PDZD2: variants seen among roughly 807,000 people sequenced by gnomAD.
PDZD2 encodes the protein PDZ domain-containing protein 2.
Under a neutral mutation model 220.7 loss-of-function variants are expected in PDZD2, and 90 were observed. That is an observed-to-expected ratio of 0.41 (90% CI 0.34 to 0.49). The LOEUF is 0.49. Ranked by LOEUF, PDZD2 falls within the 20% of genes least tolerant of loss-of-function variation. The pLI is 0.28. For missense variants in PDZD2, 3,174 were observed against 3,608.5 expected (o/e 0.88, Z 3.08); for synonymous variants, 1,375 against 1,450.5 (o/e 0.95, Z 1.18).
Position 31,975,793 on chromosome 5 carries a change from C to CTTTTTTTTTTTTTTTTTTTTTT in PDZD2, c.477-7353_477-7352insTTTTTTTTTTTTTTTTTTTTTT, listed in dbSNP as rs879288343. Among the ~76,000 whole-genome samples the CTTTTTTTTTTTTTTTTTTTTTT allele has an allele frequency of 1.1e-4, 6 of 55,182 alleles. 3 individuals carry two copies. The highest frequency in any genetic ancestry group is 1.2e-4 in the Non-Finnish European group (4 of 32,318). The allele number at this position is 55,182 out of a possible 152,430, so 36.2% of individuals were successfully genotyped here. A position where few individuals can be genotyped will look rare whatever the true frequency, so the allele number is the denominator to read the frequency against. On this transcript the variant is annotated intron_variant, in intron 2 of 24. Transcript: ENST00000438447. ...ATGAGCACACTGAAGGTATCAGTCA[C>CTTTTTTTTTTTTTTTTTTTTTT]TTTTTTTTTATTTATTTTTTTTTTT... is the stretch of plus-strand genomic sequence containing the variant.
At chr5:32,011,325 CAAAAAATACAAAAAAAAA>C (rs1237311005) in intron 6 of PDZD2, among the ~76,000 whole-genome samples, 1 of 122,684 alleles carries the variant, frequency 8.2e-6, no homozygotes, top group Non-Finnish European at 1.6e-5. Flanking sequence ...CCCATCTTTA[CAAAAAATACAAAAAAAAA>C]AAAAAATTAG....
chr5:31,777,694 T>C (rs1266891787), intron 1 of PDZD2, among the ~76,000 whole-genome samples: 1 of 152,112 alleles, frequency 6.6e-6, no homozygotes, highest in Admixed American at 6.5e-5. Flanking sequence ...CGGCACTCTG[T>C]ATCTAGCTAA....
intron 6 of PDZD2, among the ~76,000 whole-genome samples, chr5:32,016,239 G>C (rs114498588): frequency 2.0e-5 from 3 of 152,146 alleles, no homozygotes; most frequent in African/African-American, 7.2e-5. Context: ...TGTTTTATTT[G>C]GACTGAATAA....
chr5:32,087,524 G>A lies in PDZD2; in HGVS notation c.4076G>A (p.Ser1359Asn). ...EQRQGAPGNHSKALEMTGIHA... is the reference protein window; with the variant it reads ...EQRQGAPGNHNKALEMTGIHA... ...AGACAGGGAGCTCCAGGTAACCACA[G>A]TAAGGCTCTGGAAATGACAGGAATC... The change falls in exon 20 of 25, where the codon AGT (serine) becomes AAT (asparagine). Residue 1359 changes from serine to asparagine, a missense_variant. Ser to Asn is a conservative substitution (Grantham distance 46, BLOSUM62 1). Transcript: ENST00000438447. The surrounding 1 kb of genome is among the most constrained non-coding windows in gnomAD (Gnocchi z 4.0). The A allele has an allele frequency of 1.2e-6, 2 of 1,613,526 alleles. No homozygotes were observed. Among genetic ancestry groups the A allele is most frequent in the Non-Finnish European group, 1.7e-6 (2 of 1,179,710 alleles).
intron 1 of PDZD2, among the ~76,000 whole-genome samples, chr5:31,659,423 G>A (rs148601169): frequency 6.6e-6 from 1 of 151,672 alleles, no homozygotes; most frequent in Non-Finnish European, 1.5e-5. Flanking sequence ...TCTCCATCTG[G>A]TTGACCCTCA....
chr5:32,069,695 CATT>C, intron 15 of PDZD2, 45 bp downstream of exon 15: 1 of 986,898 alleles, frequency 1.0e-6, no homozygotes, highest in Non-Finnish European at 1.6e-6. Flanking sequence ...AAGAGTTTCT[CATT>C]AAGTTCACCC....
At chr5:31,830,809 C>T (rs958572868) in intron 2 of PDZD2, among the ~76,000 whole-genome samples, 8 of 152,224 alleles carry the variant, frequency 5.3e-5, no homozygotes, top group African/African-American at 1.9e-4. Context: ...AGAAAGGACA[C>T]TTCTTGAGAG....
intron 2 of PDZD2, among the ~76,000 whole-genome samples, chr5:31,850,449 C>T (rs1213957257): frequency 1.3e-5 from 2 of 151,382 alleles, no homozygotes; most frequent in Non-Finnish European, 2.9e-5. Context: ...AACAGTGGAA[C>T]GCTATAGTTC....
chr5:31,966,459 C>A (rs781762593), intron 2 of PDZD2, among the ~76,000 whole-genome samples: 2 of 152,138 alleles, frequency 1.3e-5, no homozygotes, highest in Non-Finnish European at 2.9e-5. Flanking sequence ...TAAATTAAAT[C>A]CCAGTAGATA....
At chr5:31,818,057 C>A (rs1755585972) in intron 2 of PDZD2, among the ~76,000 whole-genome samples, 3 of 149,216 alleles carry the variant, frequency 2.0e-5, no homozygotes, top group Non-Finnish European at 4.4e-5. Context: ...GCAGCCTCAA[C>A]TTCCCGGACT....
At chr5:32,077,430 T>C (rs780188403) in intron 18 of PDZD2, 32 bp from the exon 19 acceptor site, 5 of 1,611,482 alleles carry the variant, frequency 3.1e-6, no homozygotes, top group South Asian at 1.1e-5. Flanking sequence ...CTGAAAGTTA[T>C]TTCAAGTGGC....
At chr5:31,714,369 CTTG>C (rs556004849) in intron 1 of PDZD2, among the ~76,000 whole-genome samples, 37 of 152,230 alleles carry the variant, frequency 2.4e-4, no homozygotes, top group African/African-American at 6.3e-4. Context: ...TTCCACAGTC[CTTG>C]TTGTTTGAAT....
chr5:31,811,694 A>C (rs1372587255), intron 2 of PDZD2, among the ~76,000 whole-genome samples: 2 of 152,074 alleles, frequency 1.3e-5, no homozygotes, highest in African/African-American at 4.8e-5. Flanking sequence ...GATAGCCTTA[A>C]ATTTTCAAGC....
intron 2 of PDZD2, among the ~76,000 whole-genome samples, chr5:31,850,697 C>T (rs923337060): frequency 1.4e-5 from 2 of 142,710 alleles, no homozygotes; most frequent in Non-Finnish European, 1.5e-5. Context: ...AGTACAGTGG[C>T]GCCATCTCGT....
chr5:31,770,172 A>G (rs150269808), intron 1 of PDZD2, among the ~76,000 whole-genome samples: 1 of 152,220 alleles, frequency 6.6e-6, no homozygotes, highest in Non-Finnish European at 1.5e-5. Context: ...ATAAAAGAGG[A>G]TGAAGAAGAA....
At chr5:31,983,751 C>T in intron 3 of PDZD2, 95 bp downstream of exon 3, 2 of 1,236,228 alleles carry the variant, frequency 1.6e-6, no homozygotes, top group South Asian at 2.9e-5. Flanking sequence ...ACAAGCTGGG[C>T]TCAGAACCAG....
In PDZD2 at chr5:32,069,877, C is replaced by T. The variant is rs1337550717; in HGVS notation, c.2533+227C>T. The stretch of plus-strand genomic sequence containing the variant: ...TCATGCATGCTTCTTATAGTACTTA[C>T]AAATAATTTGCAAAGGTAAGTTAGA... On this transcript the variant is annotated intron_variant, in intron 15 of 24. Coordinates refer to ENST00000438447, the MANE Select transcript of PDZD2 (RefSeq NM_178140.4). 2.0e-5 allele frequency among the ~76,000 whole-genome samples: 3 copies of T among 152,142 alleles called. No homozygotes were observed. The East Asian group carries it at 5.8e-4, about 29-fold the overall frequency.
chr5:31,783,234 C>A (rs1753157601), intron 1 of PDZD2, among the ~76,000 whole-genome samples: 1 of 152,074 alleles, frequency 6.6e-6, no homozygotes, highest in Non-Finnish European at 1.5e-5. Context: ...CTTGGGAACA[C>A]CAGAAGCATG....
chr5:32,020,919 T>A lies in PDZD2; in HGVS notation c.1407+10437T>A, dbSNP rs1011643424. On this transcript the variant is annotated intron_variant, in intron 6 of 24. Transcript: ENST00000438447. ...CCTCAGCCTCCCAAAGTGCTGGGAT[T>A]ACAGGAGTGAGCCACTGCACCTGGC... 1.2e-4 allele frequency among the ~76,000 whole-genome samples: 18 copies of A among 152,094 alleles called. 1 individual carries two copies. Among genetic ancestry groups the A allele is most frequent in the African/African-American group, 4.3e-4 (18 of 41,400 alleles).
Sources: allele counts gnomAD v4.1 joint callset (sites outside exome capture counted in the v4.1 genomes callset), GRCh38; gene constraint gnomAD v4.1.1; non-coding constraint Gnocchi (gnomAD v3.1); transcripts MANE v1.5; gene names NCBI Gene and HGNC (gene_info 2026-07-23, HGNC 2026-07-21).